The following TTC28 variants were observed in gnomAD, a reference collection of about 807,000 sequenced individuals.
TTC28 encodes tetratricopeptide repeat protein 28.
A neutral mutation model predicts 198.0 loss-of-function variants in TTC28; 61 were observed. The ratio of observed to expected loss-of-function variants is 0.31; its 90% CI spans 0.25 to 0.38. TTC28 has a LOEUF of 0.38. Among genes scored for constraint, TTC28 ranks in the 10% least tolerant of loss-of-function variants. The probability of loss-of-function intolerance (pLI) is 1.00; values close to 1 mark genes in which losing one functional copy is unlikely to be tolerated. For missense variants in TTC28, 2,678 were observed against 3,164.0 expected (o/e 0.85, Z 3.69); for synonymous variants, 1,171 against 1,297.8 (o/e 0.90, Z 2.10).
chr22:28,032,253 ATATATATATATATAGT>A (rs1939154153), intron 12 of TTC28, among the ~76,000 whole-genome samples: 2 of 85,528 alleles, frequency 2.3e-5, no homozygotes, highest in African/African-American at 1.1e-4. Context: ...TATATAAAAT[ATATATATATATATAGT>A]GTGTGTGTGT....
intron 12 of TTC28, among the ~76,000 whole-genome samples, chr22:28,077,055 T>G (rs1424911151): frequency 6.6e-6 from 1 of 152,254 alleles, no homozygotes; most frequent in Non-Finnish European, 1.5e-5. Context: ...TTAATTATTA[T>G]AGTTCTATTA....
intron 5 of TTC28, among the ~76,000 whole-genome samples, chr22:28,199,126 T>C (rs1235794851): frequency 6.6e-6 from 1 of 151,990 alleles, no homozygotes; most frequent in Non-Finnish European, 1.5e-5. Context: ...CCAGTATTTC[T>C]ATTTCTAAAT....
At chr22:28,325,934 G>T (rs1034291356) in intron 2 of TTC28, among the ~76,000 whole-genome samples, 1 of 152,056 alleles carries the variant, frequency 6.6e-6, no homozygotes, top group Non-Finnish European at 1.5e-5. Flanking sequence ...GCAGTTTCTT[G>T]TAAAGTGAAA....
chr22:28,280,018 T>C (rs2044553804), intron 5 of TTC28, among the ~76,000 whole-genome samples: 2 of 152,210 alleles, frequency 1.3e-5, no homozygotes, highest in Non-Finnish European at 2.9e-5. Flanking sequence ...TATTTTCAGA[T>C]TTTGCTATTA....
intron 12 of TTC28, among the ~76,000 whole-genome samples, chr22:28,032,185 TATAAAA>T (rs1436548653): frequency 1.2e-4 from 9 of 73,230 alleles, no homozygotes; most frequent in African/African-American, 5.5e-4. Flanking sequence ...TATATATATA[TATAAAA>T]TATATATATA....
At chr22:28,295,088 T>C (rs1267084554) in intron 5 of TTC28, among the ~76,000 whole-genome samples, 3 of 152,200 alleles carry the variant, frequency 2.0e-5, no homozygotes, top group Non-Finnish European at 4.4e-5. Flanking sequence ...ATAAGAAAAG[T>C]GTTCAGGTAA....
intron 14 of TTC28, among the ~76,000 whole-genome samples, chr22:28,004,532 T>A (rs976362841): frequency 6.6e-6 from 1 of 152,220 alleles, no homozygotes; most frequent in East Asian, 1.9e-4. Context: ...CCCTGCATCA[T>A]GCCTAGGAGC....
chr22:28,246,481 T>C (rs1192852785), intron 5 of TTC28, among the ~76,000 whole-genome samples: 1 of 152,248 alleles, frequency 6.6e-6, no homozygotes, highest in Non-Finnish European at 1.5e-5. Context: ...ACTTTTCATG[T>C]AATATCTTAT....
chr22:28,665,485 AG>A (rs2051813204), intron 1 of TTC28, among the ~76,000 whole-genome samples: 1 of 42,630 alleles, frequency 2.3e-5, no homozygotes, highest in Non-Finnish European at 4.7e-5. Flanking sequence ...AAAAAAAGGC[AG>A]GGGTTGCAAT....
intron 14 of TTC28, among the ~76,000 whole-genome samples, chr22:28,011,647 C>T (rs1938171606): frequency 6.6e-6 from 1 of 152,108 alleles, no homozygotes; most frequent in South Asian, 2.1e-4. Flanking sequence ...AGATGAGGAA[C>T]CCATGGATAT....
intron 2 of TTC28, among the ~76,000 whole-genome samples, chr22:28,435,765 C>T (rs1010832143): frequency 4.6e-5 from 7 of 152,204 alleles, no homozygotes; most frequent in African/African-American, 1.7e-4. Flanking sequence ...CTATTCCCAT[C>T]TTCTCAAATG....
At chr22:28,053,682 C>T (rs1940170654) in intron 12 of TTC28, among the ~76,000 whole-genome samples, 1 of 152,180 alleles carries the variant, frequency 6.6e-6, no homozygotes, top group Non-Finnish European at 1.5e-5. Flanking sequence ...AGATCACCTG[C>T]CTTTGACTGC....
chr22:28,313,766 G>C (rs1322113578), intron 2 of TTC28, among the ~76,000 whole-genome samples: 2 of 152,146 alleles, frequency 1.3e-5, no homozygotes, highest in African/African-American at 4.8e-5. Flanking sequence ...TACTGAATGG[G>C]CAAAAACTGG....
chr22:28,205,993 CAAA>C (rs578027021), intron 5 of TTC28, among the ~76,000 whole-genome samples: 3 of 129,156 alleles, frequency 2.3e-5, no homozygotes, highest in Non-Finnish European at 1.7e-5. Context: ...CATGGGGTGT[CAAA>C]AAAAAAAAAA....
At chr22:28,023,421 C>G (rs932360205) in intron 13 of TTC28, among the ~76,000 whole-genome samples, 1 of 152,184 alleles carries the variant, frequency 6.6e-6, no homozygotes, top group Non-Finnish European at 1.5e-5. Flanking sequence ...AACAAAGGCC[C>G]GAGCCAGGCA....
At position 28,384,849 on chromosome 22, in the gene TTC28, T is replaced by A. The variant is rs1268281149; in HGVS notation, c.382-78206A>T. On this transcript the variant is annotated intron_variant, in intron 2 of 22. Coordinates refer to ENST00000397906, the MANE Select transcript of TTC28 (RefSeq NM_001145418.2). Reference sequence around the variant, plus strand: ...GTAGAAAGATGACAGACTTTAAAAATTAGACAGGTGGCTGGGCGTGGTGGC... The same window carrying A: ...GTAGAAAGATGACAGACTTTAAAAAATAGACAGGTGGCTGGGCGTGGTGGC... Among the ~76,000 whole-genome samples, 9 of 152,064 alleles carry A rather than the reference T, an allele frequency of 5.9e-5. No homozygotes were observed. The East Asian group carries it at 1.7e-3, about 29-fold the overall frequency.
chr22:28,447,637 CTCGGTCTTAGGCTCAGA>C (rs1452695526), intron 2 of TTC28, among the ~76,000 whole-genome samples: 1 of 152,128 alleles, frequency 6.6e-6, no homozygotes, highest in Non-Finnish European at 1.5e-5. Flanking sequence ...AGACTGAAGT[CTCGGTCTTAGGCTCAGA>C]TGTTGCTGGA....
intron 2 of TTC28, among the ~76,000 whole-genome samples, chr22:28,328,664 G>A (rs2145867670): frequency 6.6e-6 from 1 of 151,364 alleles, no homozygotes; most frequent in East Asian, 1.9e-4. Context: ...TGAGGCAGGA[G>A]AATCGCTTGA....
At chr22:28,280,900 A>G (rs1398455468) in intron 5 of TTC28, among the ~76,000 whole-genome samples, 2 of 151,972 alleles carry the variant, frequency 1.3e-5, no homozygotes, top group African/African-American at 4.8e-5. Flanking sequence ...TTCTTTCAGC[A>G]CGCTGAAGAT....
Sources: allele counts gnomAD v4.1 joint callset (sites outside exome capture counted in the v4.1 genomes callset), GRCh38; gene constraint gnomAD v4.1.1; transcripts MANE v1.5; gene names NCBI Gene and HGNC (gene_info 2026-07-23, HGNC 2026-07-21).